ADAM17: variants seen among roughly 807,000 people sequenced by gnomAD.
ADAM17 encodes the protein disintegrin and metalloproteinase domain-containing protein 17.
A neutral mutation model predicts 96.7 loss-of-function variants in ADAM17; 39 were observed. That is an observed-to-expected ratio of 0.40 (90% CI 0.31 to 0.53). The LOEUF is 0.53. Ranked by LOEUF, ADAM17 falls within the 20% of genes least tolerant of loss-of-function variation. The pLI is 0.44. For missense variants in ADAM17, 777 were observed against 1,013.2 expected, an observed-to-expected ratio of 0.77 and a Z score of 3.17; for synonymous variants, 344 against 359.2, an observed-to-expected ratio of 0.96 and a Z score of 0.48.
intron 10 of ADAM17, among the ~76,000 whole-genome samples, chr2:9,511,337 C>T (rs1165496463): frequency 3.3e-5 from 5 of 152,084 alleles, no homozygotes; most frequent in African/African-American, 9.7e-5. Flanking sequence ...GTAATCCCGG[C>T]TACTCGGGAG....
intron 4 of ADAM17, among the ~76,000 whole-genome samples, chr2:9,532,810 T>C (rs1365238141): frequency 6.6e-6 from 1 of 152,064 alleles, no homozygotes; most frequent in Non-Finnish European, 1.5e-5. Context: ...CAATGAAATA[T>C]TAGTTATACT....
At chr2:9,518,787 G>A (rs538059144) in intron 8 of ADAM17, among the ~76,000 whole-genome samples, 2 of 151,728 alleles carry the variant, frequency 1.3e-5, no homozygotes, top group African/African-American at 4.8e-5. Flanking sequence ...AATCAACACT[G>A]CAGGTTTGAG....
chr2:9,518,020 C>A, intron 9 of ADAM17, 31 bp from the exon 10 acceptor site: 1 of 1,577,766 alleles, frequency 6.3e-7, no homozygotes, highest in South Asian at 1.2e-5. Context: ...AGATAAATTG[C>A]TTATTAAATA....
At chr2:9,502,981 A>C (rs540322085) in intron 12 of ADAM17, among the ~76,000 whole-genome samples, 2 of 151,588 alleles carry the variant, frequency 1.3e-5, no homozygotes, top group South Asian at 4.2e-4. Context: ...TCTACTAAAG[A>C]TACAAAAAAT....
rs1558529564 is a variant in ADAM17, at chr2:9,553,434, G to C, written c.97+2075C>G. On this transcript the variant is annotated intron_variant, in intron 1 of 18. Transcript: ENST00000310823. Reference sequence around the variant, plus strand: ...CAAGCCTTTAATCCCAGCACTTTGGGAGGCCGAGGTGTGCTGATCACCTGA... The same window carrying C: ...CAAGCCTTTAATCCCAGCACTTTGGCAGGCCGAGGTGTGCTGATCACCTGA... Among the ~76,000 whole-genome samples the C allele has an allele frequency of 2.0e-5, 3 of 151,872 alleles. No individual in the cohort carries two copies. In the South Asian group the frequency reaches 6.2e-4, roughly 31 times the overall value.
Position 9,490,294 on chromosome 2 carries a change from G to C in ADAM17, c.2358C>G (p.Ser786Arg). 5 of 1,614,170 alleles carry C rather than the reference G, an allele frequency of 3.1e-6. No homozygotes were observed. The highest frequency in any genetic ancestry group is 4.2e-6 in the Non-Finnish European group (5 of 1,180,026). Residue 786 changes from serine to arginine, a missense_variant, in exon 19 of 19, where the codon AGC becomes AGG. Transcript: ENST00000310823. ...GATCCTCAAATGACTTGGCAGCTGT[G>C]CTGCTATTTGGGAAGGGGTCCTTCT... ...GFEKDPFPNSSTAAKSFEDLT... is the reference protein window; with the variant it reads ...GFEKDPFPNSRTAAKSFEDLT...
intron 2 of ADAM17, 152 bp downstream of exon 2, chr2:9,543,001 G>A: frequency 9.7e-7 from 1 of 1,028,456 alleles, no homozygotes; most frequent in East Asian, 3.3e-5. Flanking sequence ...CCCAGCCCCA[G>A]TATGAATTTT....
chr2:9,514,690 A>G (rs905914888), intron 10 of ADAM17, among the ~76,000 whole-genome samples: 2 of 150,780 alleles, frequency 1.3e-5, no homozygotes, highest in Non-Finnish European at 3.0e-5. Context: ...TGGCTAACAC[A>G]GTGAAACCCC....
In ADAM17 at chr2:9,526,193, G is replaced by A. The variant is rs548923032; in HGVS notation, c.671C>T (p.Thr224Met). Residue 224 changes from threonine (T) to methionine (M), a missense_variant, in exon 6 of 19, where the codon ACG (threonine) becomes ATG (methionine). By Grantham distance (81) the Thr-to-Met change is moderately conservative. This residue lies in a region of ADAM17 where 446 missense variants were observed against 664.7 expected (regional missense o/e 0.67). Transcript: ENST00000310823. ...ATCTGCTACCACCAATAATTTACAC[G>A]TGTTCTTCATGGGATCTGGGTCAGC... ...RRADPDPMKN[T>M]CKLLVVADHR... 4 of 1,613,520 alleles carry A rather than the reference G, an allele frequency of 2.5e-6. No individual in the cohort carries two copies. Among genetic ancestry groups the A allele is most frequent in the Non-Finnish European group, 3.4e-6 (4 of 1,179,646 alleles).
At chr2:9,499,225 A>G (rs552106048) in intron 13 of ADAM17, among the ~76,000 whole-genome samples, 1 of 151,870 alleles carries the variant, frequency 6.6e-6, no homozygotes, top group Non-Finnish European at 1.5e-5. Context: ...TAAAATATCA[A>G]GGGAACAAAA....
chr2:9,524,027 C>A (rs548710542), intron 6 of ADAM17, among the ~76,000 whole-genome samples: 41 of 151,162 alleles, frequency 2.7e-4, no homozygotes, highest in African/African-American at 9.3e-4. Context: ...AGGCACACAC[C>A]ACCATGCCGG....
At chr2:9,507,023 A>G (rs888590477) in intron 11 of ADAM17, 2 of 152,260 alleles carry the variant, frequency 1.3e-5, no homozygotes, top group African/African-American at 4.8e-5. Context: ...AAGGTCCTAC[A>G]TTCCTTTTCA....
In ADAM17 at chr2:9,523,364, G is replaced by T. The variant is rs1336857603; in HGVS notation, c.754-26C>A. 3.9e-6 allele frequency: 6 copies of T among 1,546,268 alleles called. No homozygotes were observed. In the East Asian group the frequency reaches 6.8e-5, roughly 17 times the overall value. On this transcript the variant is annotated intron_variant, in intron 6 of 18. Transcript: ENST00000310823. Reference sequence around the variant, plus strand: ...CTGTGTGTATTTAAAAAAGAAAAAAGACATTATGTAACTCTTTACCTCTCC... The same window carrying T: ...CTGTGTGTATTTAAAAAAGAAAAAATACATTATGTAACTCTTTACCTCTCC...
chr2:9,554,245 T>C (rs1665672907), intron 1 of ADAM17, among the ~76,000 whole-genome samples: 1 of 152,212 alleles, frequency 6.6e-6, no homozygotes, highest in Non-Finnish European at 1.5e-5. Flanking sequence ...AATTTTAATA[T>C]CTCAAAATAC....
At chr2:9,495,865 T>A (rs1662553885) in intron 14 of ADAM17, among the ~76,000 whole-genome samples, 6 of 151,456 alleles carry the variant, frequency 4.0e-5, no homozygotes, top group Admixed American at 3.9e-4. Context: ...GTTACCTTTT[T>A]TTTTTTTTTT....
chr2:9,512,256 CTTA>C (rs1663787349), intron 10 of ADAM17: 1 of 95,844 alleles, frequency 1.0e-5, no homozygotes, highest in Admixed American at 8.5e-5. Context: ...GCTAATGACT[CTTA>C]AAAAAAAATC....
chr2:9,524,397 G>A (rs1190819849), intron 6 of ADAM17, among the ~76,000 whole-genome samples: 1 of 152,028 alleles, frequency 6.6e-6, no homozygotes, highest in Non-Finnish European at 1.5e-5. Context: ...GGCTGAGGTG[G>A]GAAGATTGCT....
chr2:9,518,861 C>T (rs551473191), intron 8 of ADAM17, among the ~76,000 whole-genome samples: 15 of 150,292 alleles, frequency 1.0e-4, no homozygotes, highest in African/African-American at 3.4e-4. Flanking sequence ...CTACCATAAC[C>T]GTCCAGCGTC....
At chr2:9,540,350 T>G (rs542682795) in intron 2 of ADAM17, among the ~76,000 whole-genome samples, 1 of 152,268 alleles carries the variant, frequency 6.6e-6, no homozygotes, top group East Asian at 1.9e-4. Context: ...ACTAGCTGAG[T>G]AATCTTGGGC....
Sources: gnomAD v4.1 joint callset for allele counts (sites outside exome capture counted in the v4.1 genomes callset) on GRCh38, gnomAD v4.1.1 for gene constraint, gnomAD v4.1.1 regional missense constraint, MANE v1.5 for transcripts, NCBI Gene and HGNC (gene_info 2026-07-23, HGNC 2026-07-21) for gene names.